KLHL1: variants seen among roughly 807,000 people sequenced by gnomAD.
The protein encoded by KLHL1 is kelch like family member 1.
KLHL1 carries 47 observed loss-of-function variants against 77.7 expected under a neutral mutation model. The observed-to-expected ratio is 0.60, with a 90% CI of 0.48 to 0.77. KLHL1 has a LOEUF of 0.77. Among genes scored for constraint, KLHL1 ranks in the 30% least tolerant of loss-of-function variants. The pLI is 0.00. For missense variants in KLHL1, 925 were observed against 910.8 expected, an observed-to-expected ratio of 1.02 and a Z score of -0.20; for synonymous variants, 360 against 325.2, an observed-to-expected ratio of 1.11 and a Z score of -1.15.
chr13:69,879,036 G>A (rs927283895), intron 5 of KLHL1, among the ~76,000 whole-genome samples: 2 of 152,064 alleles, frequency 1.3e-5, no homozygotes, highest in Non-Finnish European at 2.9e-5. Flanking sequence ...TCATTCATAG[G>A]TGGGAATTGA....
At chr13:69,955,857 G>T (rs998460809) in intron 3 of KLHL1, among the ~76,000 whole-genome samples, 4 of 142,214 alleles carry the variant, frequency 2.8e-5, no homozygotes, top group African/African-American at 1.0e-4. Flanking sequence ...TTTTAAATGA[G>T]AAAATACTAG....
intron 7 of KLHL1, among the ~76,000 whole-genome samples, chr13:69,775,483 A>G (rs928466252): frequency 1.3e-5 from 2 of 152,162 alleles, no homozygotes; most frequent in African/African-American, 4.8e-5. Context: ...GATTTTCTAT[A>G]TATGACAATT....
intron 4 of KLHL1, among the ~76,000 whole-genome samples, chr13:69,890,142 A>T (rs546146940): frequency 1.3e-5 from 2 of 152,184 alleles, no homozygotes; most frequent in Non-Finnish European, 2.9e-5. Context: ...TCATTTTATA[A>T]TAAGAAGAAA....
intron 5 of KLHL1, among the ~76,000 whole-genome samples, chr13:69,858,524 G>A (rs1880011280): frequency 6.6e-6 from 1 of 152,004 alleles, no homozygotes; most frequent in Admixed American, 6.6e-5. Flanking sequence ...ACATCTAGAA[G>A]AGCATATTTA....
intron 8 of KLHL1, among the ~76,000 whole-genome samples, chr13:69,735,297 G>A (rs545615206): frequency 6.6e-5 from 10 of 151,270 alleles, no homozygotes; most frequent in African/African-American, 2.4e-4. Flanking sequence ...CACTATAAAG[G>A]TTTTCAATTA....
At chr13:70,019,407 G>A (rs976335079) in intron 1 of KLHL1, among the ~76,000 whole-genome samples, 4 of 152,096 alleles carry the variant, frequency 2.6e-5, no homozygotes, top group African/African-American at 9.7e-5. Flanking sequence ...AGAGGAAGTT[G>A]AGTACTTTTT....
At chr13:69,784,881 C>CCTTT (rs1566250066) in intron 7 of KLHL1, among the ~76,000 whole-genome samples, 5 of 110,884 alleles carry the variant, frequency 4.5e-5, no homozygotes, top group South Asian at 3.2e-4. Context: ...ACAGAATATA[C>CCTTT]ATTTTTTTTT....
intron 7 of KLHL1, among the ~76,000 whole-genome samples, chr13:69,780,723 T>TAC (rs1224812062): frequency 4.9e-5 from 3 of 61,542 alleles, no homozygotes; most frequent in Admixed American, 1.5e-4. Flanking sequence ...TATGTATATA[T>TAC]ATATATATAC....
chr13:70,002,335 A>G (rs1225372867), intron 1 of KLHL1, among the ~76,000 whole-genome samples: 1 of 151,662 alleles, frequency 6.6e-6, no homozygotes, highest in Non-Finnish European at 1.5e-5. Context: ...TTAGAATCTT[A>G]ATGTATGAAT....
At chr13:69,779,431 T>C (rs947907788) in intron 7 of KLHL1, among the ~76,000 whole-genome samples, 2 of 150,766 alleles carry the variant, frequency 1.3e-5, no homozygotes, top group Non-Finnish European at 3.0e-5. Context: ...TTTCCTTCTT[T>C]CCTTTCTCCT....
chr13:69,848,199 T>C (rs772566991), intron 5 of KLHL1, among the ~76,000 whole-genome samples: 30 of 151,572 alleles, frequency 2.0e-4, no homozygotes, highest in Non-Finnish European at 3.7e-4. Flanking sequence ...AGACTTTATT[T>C]ATGTTCAAAG....
chr13:69,916,475 CA>C (rs1212630094), intron 4 of KLHL1, among the ~76,000 whole-genome samples: 1 of 151,272 alleles, frequency 6.6e-6, no homozygotes, highest in Non-Finnish European at 1.5e-5. Flanking sequence ...TCATTCTCAG[CA>C]AACTATCGCA....
Position 69,861,746 on chromosome 13 carries a change from G to A in KLHL1, c.1227+20537C>T, listed in dbSNP as rs73508421. 7.1e-3 allele frequency among the ~76,000 whole-genome samples: 979 copies of A among 138,678 alleles called. 18 individuals are homozygous for A. Among genetic ancestry groups the A allele is most frequent in the Admixed American group, 0.02 (262 of 12,790 alleles). The allele number at this position is 138,678 out of a possible 152,430, so 91.0% of individuals were successfully genotyped here. A position where few individuals can be genotyped will look rare whatever the true frequency, so the allele number is the denominator to read the frequency against. On this transcript the variant is annotated intron_variant, in intron 5 of 10. Coordinates refer to ENST00000377844, the MANE Select transcript of KLHL1 (RefSeq NM_020866.3). ...GTGGATCACCTGAGGTCGGGAGTTC[G>A]AGATCAGCCTGACCAACATGGAGAA...
intron 7 of KLHL1, among the ~76,000 whole-genome samples, chr13:69,741,014 A>G (rs1873965680): frequency 6.6e-6 from 1 of 152,106 alleles, no homozygotes; most frequent in Non-Finnish European, 1.5e-5. Context: ...ACTTACAACA[A>G]TGTTACCTTA....
chr13:69,997,212 C>T (rs1321714915), intron 1 of KLHL1, among the ~76,000 whole-genome samples: 1 of 151,206 alleles, frequency 6.6e-6, no homozygotes, highest in Middle Eastern at 3.2e-3. Flanking sequence ...CAGAGTGAGA[C>T]TCTGTCTCAA....
At chr13:69,750,244 C>T (rs972538166) in intron 7 of KLHL1, among the ~76,000 whole-genome samples, 1 of 151,510 alleles carries the variant, frequency 6.6e-6, no homozygotes, top group South Asian at 2.1e-4. Context: ...TTGTAAAAAT[C>T]GTCATCGTGT....
intron 1 of KLHL1, among the ~76,000 whole-genome samples, chr13:70,043,262 G>A (rs1271752410): frequency 6.6e-6 from 1 of 151,992 alleles, no homozygotes; most frequent in Admixed American, 6.6e-5. Flanking sequence ...AAATAAAAAT[G>A]AGAAAAGTTA....
intron 8 of KLHL1, among the ~76,000 whole-genome samples, chr13:69,735,816 T>G (rs189715935): frequency 1.3e-4 from 19 of 151,972 alleles, no homozygotes; most frequent in Admixed American, 1.0e-3. Flanking sequence ...AGATGACTTT[T>G]TAAAATCTGA....
At chr13:70,078,196 A>T (rs1158174279) in intron 1 of KLHL1, among the ~76,000 whole-genome samples, 1 of 152,066 alleles carries the variant, frequency 6.6e-6, no homozygotes, top group Non-Finnish European at 1.5e-5. Flanking sequence ...AATCAAAAAA[A>T]AAAAGTATAA....
Sources: gnomAD v4.1 joint callset for allele counts (sites outside exome capture counted in the v4.1 genomes callset) on GRCh38, gnomAD v4.1.1 for gene constraint, MANE v1.5 for transcripts, NCBI Gene and HGNC (gene_info 2026-07-23, HGNC 2026-07-21) for gene names.